PIK3CG: variants seen among roughly 807,000 people sequenced by gnomAD.
The protein encoded by PIK3CG is phosphatidylinositol 4,5-bisphosphate 3-kinase catalytic subunit gamma isoform.
PIK3CG carries 55 observed loss-of-function variants against 102.3 expected under a neutral mutation model. The observed-to-expected ratio is 0.54, with a 90% CI of 0.43 to 0.67. PIK3CG has a LOEUF of 0.67. Among genes scored for constraint, PIK3CG ranks in the 30% least tolerant of loss-of-function variants. PIK3CG has a pLI of 0.00. For synonymous variants in PIK3CG, 552 were observed against 540.0 expected, an observed-to-expected ratio of 1.02 and a Z score of -0.31; for missense variants, 1,258 against 1,391.8, an observed-to-expected ratio of 0.90 and a Z score of 1.53.
At chr7:106,876,851 G>A (rs979524827) in intron 5 of PIK3CG, among the ~76,000 whole-genome samples, 1 of 152,022 alleles carries the variant, frequency 6.6e-6, no homozygotes, top group East Asian at 1.9e-4. Flanking sequence ...TTTTGATTAA[G>A]TCAAATTTGC....
Position 106,882,227 on chromosome 7 carries a change from G to A in PIK3CG, c.2629+20G>A, listed in dbSNP as rs757617188. 5.6e-6 allele frequency: 7 copies of A among 1,242,414 alleles called. No homozygotes were observed. The highest frequency in any genetic ancestry group is 2.6e-5 in the East Asian group (1 of 39,048). The allele number at this position is 1,242,414 out of a possible 1,614,324, so 77.0% of individuals were successfully genotyped here. ...AAATAGGTATGTAGTTACCTCAGGA[G>A]ATGAATAGACCTCTCAGCTCGTTTG... On this transcript the variant is annotated intron_variant, in intron 7 of 10. Coordinates refer to ENST00000496166, the MANE Select transcript of PIK3CG (RefSeq NM_001282426.2).
At position 106,899,611 on chromosome 7, in the gene PIK3CG, T is replaced by C. The variant is rs562038351; in HGVS notation, c.3031-5498T>C. On this transcript the variant is annotated intron_variant, in intron 10 of 10. Transcript: ENST00000496166. This position sits in a 1 kb window ranked among gnomAD's most constrained non-coding sequence, Gnocchi z 4.6. ...TTATCGAAAGGCTTTTCTGTGTCTA[T>C]GGAGATAATCATGTGGTTTTTGTCT... Among the ~76,000 whole-genome samples, 1 of 152,338 alleles carries C rather than the reference T, an allele frequency of 6.6e-6. No homozygotes were observed. The highest frequency in any genetic ancestry group is 3.4e-3 in the Middle Eastern group (1 of 294).
At chr7:106,885,922 A>G (rs1229892754) in intron 9 of PIK3CG, among the ~76,000 whole-genome samples, 2 of 152,164 alleles carry the variant, frequency 1.3e-5, no homozygotes, top group Non-Finnish European at 2.9e-5. Flanking sequence ...TCTAAAGAAC[A>G]CCAGAAGGAT....
intron 2 of PIK3CG, among the ~76,000 whole-genome samples, chr7:106,871,467 A>G (rs555760272): frequency 6.6e-6 from 1 of 152,364 alleles, no homozygotes; most frequent in South Asian, 2.1e-4. Context: ...AACCAGAGGA[A>G]GAATTATAAA....
At position 106,868,927 on chromosome 7, in the gene PIK3CG, G is replaced by A. The variant is rs553869172; in HGVS notation, c.1366G>A (p.Gly456Ser). The change falls in exon 2 of 11, where the codon GGC becomes AGC. Residue 456 changes from glycine to serine, a missense_variant. Coordinates refer to ENST00000496166, the MANE Select transcript of PIK3CG (RefSeq NM_001282426.2). This position sits in a 1 kb window ranked among gnomAD's most constrained non-coding sequence, Gnocchi z 6.2. ...AGAGTCCCCCAGTTCTGAGTCCAAG[G>A]GCAAAGTTCAGCTTCTCTATTATGT... ...SAESPSSESK[G>S]KVQLLYYVNL... 28 of 1,614,144 alleles carry A rather than the reference G, an allele frequency of 1.7e-5. No homozygotes were observed. The South Asian group carries it at 3.1e-4, about 18-fold the overall frequency.
chr7:106,881,080 C>T (rs1790917507), intron 6 of PIK3CG, among the ~76,000 whole-genome samples: 1 of 152,146 alleles, frequency 6.6e-6, no homozygotes, highest in Non-Finnish European at 1.5e-5. Flanking sequence ...CTGGGCCAGG[C>T]ACTAGCCCAC....
At chr7:106,876,638 T>C (rs911581651) in intron 5 of PIK3CG, among the ~76,000 whole-genome samples, 3 of 151,436 alleles carry the variant, frequency 2.0e-5, no homozygotes, top group Non-Finnish European at 4.4e-5. Flanking sequence ...CCTGACCTCG[T>C]GATCCACCTG....
rs1314138159 is a variant in PIK3CG at position 106,907,560 on chromosome 7, A to G, written c.*2173A>G. Among the ~76,000 whole-genome samples, 1 of 152,094 alleles carries G rather than the reference A, an allele frequency of 6.6e-6. No individual in the cohort carries two copies. The highest frequency in any genetic ancestry group is 1.5e-5 in the Non-Finnish European group (1 of 68,028). ...GGATGTTTTCACTATTCTGATAAAC[A>G]ATAGCCAAGTTCAGACCTTGTACAG... On this transcript the variant is annotated 3_prime_UTR_variant, in exon 11 of 11. Transcript: ENST00000496166.
chr7:106,875,806 A>T (rs1307261190), intron 5 of PIK3CG, among the ~76,000 whole-genome samples: 11 of 150,330 alleles, frequency 7.3e-5, no homozygotes, highest in Middle Eastern at 3.5e-3. Context: ...ACAAGATACC[A>T]TTTTTCCAAA....
rs377169102 is a variant in PIK3CG at position 106,904,103 on chromosome 7, A to G, written c.3031-1006A>G. Among the ~76,000 whole-genome samples, 13 of 152,036 alleles carry G rather than the reference A, an allele frequency of 8.6e-5. 1 individual carries two copies. In the East Asian group the frequency reaches 9.6e-4, roughly 11 times the overall value. On this transcript the variant is annotated intron_variant, in intron 10 of 10. Transcript: ENST00000496166. Reference sequence around the variant, plus strand: ...ACTTCACTTCTTTTTCTGGTATTTCATTATTTAGAATTATTTTTATAATTT... The same window carrying G: ...ACTTCACTTCTTTTTCTGGTATTTCGTTATTTAGAATTATTTTTATAATTT...
intron 2 of PIK3CG, among the ~76,000 whole-genome samples, chr7:106,870,449 A>T (rs1289100383): frequency 2.6e-5 from 4 of 152,246 alleles, no homozygotes; most frequent in African/African-American, 9.6e-5. Flanking sequence ...ATGCTATTTT[A>T]GAGCACAGCC....
chr7:106,888,664 G>T (rs1443656344), intron 10 of PIK3CG, among the ~76,000 whole-genome samples: 1 of 152,172 alleles, frequency 6.6e-6, no homozygotes, highest in Non-Finnish European at 1.5e-5. Flanking sequence ...TACATTTGTT[G>T]TACTTGTGTG....
chr7:106,890,250 C>T lies in PIK3CG; in HGVS notation c.3030+3958C>T, dbSNP rs1791233929. Among the ~76,000 whole-genome samples, 1 of 151,756 alleles carries T rather than the reference C, an allele frequency of 6.6e-6. No homozygotes were observed. Among genetic ancestry groups the T allele is most frequent in the Non-Finnish European group, 1.5e-5 (1 of 67,930 alleles). ...AGGCTGGAATGCAGTGGTGTGATCT[C>T]GGCTCACTGCAACCTCTGCCTCCTG... On this transcript the variant is annotated intron_variant, in intron 10 of 10. Transcript: ENST00000496166. The surrounding 1 kb of genome is among the most constrained non-coding windows in gnomAD (Gnocchi z 4.2).
At chr7:106,882,546 T>C (rs1790971716) in intron 7 of PIK3CG, 2 of 187,494 alleles carry the variant, frequency 1.1e-5, no homozygotes, top group South Asian at 1.9e-4. Flanking sequence ...GAAAGATCTG[T>C]CACTTATTTT....
In PIK3CG at chr7:106,903,506, C is replaced by T. The variant is rs1426079380; in HGVS notation, c.3031-1603C>T. Among the ~76,000 whole-genome samples, 1 of 151,676 alleles carries T rather than the reference C, an allele frequency of 6.6e-6. No individual in the cohort carries two copies. Among genetic ancestry groups the T allele is most frequent in the Non-Finnish European group, 1.5e-5 (1 of 67,944 alleles). On this transcript the variant is annotated intron_variant, in intron 10 of 10. Transcript: ENST00000496166. This position sits in a 1 kb window ranked among gnomAD's most constrained non-coding sequence, Gnocchi z 4.3. ...TTATAAATTATAAAAATTATAAAAG[C>T]ATAGGTTCTACATGTTTTATGTGTT...
In PIK3CG at chr7:106,867,986, CG is replaced by C; in HGVS notation, c.426del (p.Ser144ProfsTer14). Reference sequence around the variant, plus strand: ...CAGATCCACCTGGTGCAGCGGCACCCGCCCTCCGAGGAGTCCCAAGCCTTCC... The same window carrying C: ...CAGATCCACCTGGTGCAGCGGCACCCCCCTCCGAGGAGTCCCAAGCCTTCC... ...PGQIHLVQRH[P>X]PSEESQAFQR... On this transcript the variant is annotated frameshift_variant, in exon 2 of 11. Coordinates refer to ENST00000496166, the MANE Select transcript of PIK3CG (RefSeq NM_001282426.2). LOFTEE classifies it high-confidence loss of function. The surrounding 1 kb of genome is among the most constrained non-coding windows in gnomAD (Gnocchi z 5.1). 6.2e-7 allele frequency: 1 copy of C among 1,612,198 alleles called. No individual in the cohort carries two copies. Among genetic ancestry groups the C allele is most frequent in the Non-Finnish European group, 8.5e-7 (1 of 1,179,200 alleles).
intron 7 of PIK3CG, 31 bp downstream of exon 7, chr7:106,882,238 C>G: frequency 9.6e-7 from 1 of 1,038,680 alleles, no homozygotes; most frequent in Non-Finnish European, 1.4e-6. Flanking sequence ...ATGAATAGAC[C>G]TCTCAGCTCG....
rs895439785 is a variant in PIK3CG at position 106,908,539 on chromosome 7, C to T, written c.*3152C>T. ...CCTAGCCCCACAGGACTGCATTTAG[C>T]TGCTTCAGTGACACTTTGATGAAAG... On this transcript the variant is annotated 3_prime_UTR_variant, in exon 11 of 11. Coordinates refer to ENST00000496166, the MANE Select transcript of PIK3CG (RefSeq NM_001282426.2). This position sits in a 1 kb window ranked among gnomAD's most constrained non-coding sequence, Gnocchi z 4.1. 6.6e-6 allele frequency among the ~76,000 whole-genome samples: 1 copy of T among 152,180 alleles called. No homozygotes were observed. The highest frequency in any genetic ancestry group is 1.5e-5 in the Non-Finnish European group (1 of 68,030).
intron 10 of PIK3CG, among the ~76,000 whole-genome samples, chr7:106,888,050 C>T (rs975127203): frequency 6.9e-6 from 1 of 144,738 alleles, no homozygotes; most frequent in African/African-American, 2.5e-5. Flanking sequence ...AAGCAATTCT[C>T]CTGCCTCAGC....
Sources: allele counts gnomAD v4.1 joint callset (sites outside exome capture counted in the v4.1 genomes callset), GRCh38; gene constraint gnomAD v4.1.1; non-coding constraint Gnocchi (gnomAD v3.1); transcripts MANE v1.5; gene names NCBI Gene and HGNC (gene_info 2026-07-23, HGNC 2026-07-21).